The following CADM2 variants were observed in gnomAD, a reference collection of about 807,000 sequenced individuals.
The protein encoded by CADM2 is cell adhesion molecule 2, also known as immunoglobulin superfamily member 4D.
CADM2 carries 12 observed loss-of-function variants against 49.8 expected under a neutral mutation model. The ratio of observed to expected loss-of-function variants is 0.24; its 90% CI spans 0.15 to 0.39. The LOEUF (loss-of-function observed/expected upper bound fraction) is 0.39. Among genes scored for constraint, CADM2 ranks in the 10% least tolerant of loss-of-function variants. The pLI is 1.00. For synonymous variants in CADM2, 214 were observed against 175.4 expected, an observed-to-expected ratio of 1.22 and a Z score of -1.74; for missense variants, 378 against 492.3, an observed-to-expected ratio of 0.77 and a Z score of 2.20.
At chr3:85,590,121 A>C (rs77341899) in intron 1 of CADM2, among the ~76,000 whole-genome samples, 1 of 152,140 alleles carries the variant, frequency 6.6e-6, no homozygotes, top group East Asian at 1.9e-4. Context: ...GTTCACATGT[A>C]GAGAAGTTTT....
intron 1 of CADM2, among the ~76,000 whole-genome samples, chr3:85,204,314 T>A (rs2107752305): frequency 1.3e-5 from 2 of 152,326 alleles, no homozygotes; most frequent in South Asian, 4.1e-4. Context: ...TTTGTAGGAA[T>A]AAAATTCCTA....
chr3:85,987,874 A>G, intron 8 of CADM2, among the ~76,000 whole-genome samples: 1 of 152,058 alleles, frequency 6.6e-6, no homozygotes, highest in East Asian at 1.9e-4. Context: ...AAAATCATTA[A>G]TAAACTGGCT....
chr3:86,063,408 A>G (rs1177850332), intron 8 of CADM2, among the ~76,000 whole-genome samples: 1 of 152,180 alleles, frequency 6.6e-6, no homozygotes, highest in African/African-American at 2.4e-5. Context: ...CTGGCATTAC[A>G]AGTCCCCTCT....
chr3:85,408,010 C>CAAAAAAAAAAAAAAAAACAAA (rs2035474606), intron 1 of CADM2, among the ~76,000 whole-genome samples: 1 of 56,184 alleles, frequency 1.8e-5, no homozygotes, highest in Non-Finnish European at 3.2e-5. Flanking sequence ...AAAACAAAAC[C>CAAAAAAAAAAAAAAAAACAAA]AAAAAAAAAA....
rs2043996127 is a variant in CADM2 at position 85,297,538 on chromosome 3, A to G, written c.61+337870A>G. ...GGATTCAGGAAGAACTGGACAGGGT[A>G]CTGGGGTCTCAGCCAAGCAGCTGAG... is the stretch of plus-strand genomic sequence containing the variant. On this transcript the variant is annotated intron_variant, in intron 1 of 9. Transcript: ENST00000383699. Among the ~76,000 whole-genome samples the G allele has an allele frequency of 2.0e-5, 3 of 152,024 alleles. No homozygotes were observed. In the South Asian group the frequency reaches 6.2e-4, roughly 32 times the overall value.
At chr3:85,947,259 A>G (rs1559759805) in intron 7 of CADM2, among the ~76,000 whole-genome samples, 1 of 151,778 alleles carries the variant, frequency 6.6e-6, no homozygotes, top group African/African-American at 2.4e-5. Flanking sequence ...ATTAAATGCT[A>G]TGTATAAAAT....
intron 1 of CADM2, among the ~76,000 whole-genome samples, chr3:85,407,470 T>C (rs1411151888): frequency 6.6e-6 from 1 of 152,114 alleles, no homozygotes; most frequent in Non-Finnish European, 1.5e-5. Flanking sequence ...AATATCCCCC[T>C]AACCTCTCAC....
At chr3:84,989,098 A>G (rs2032748921) in intron 1 of CADM2, among the ~76,000 whole-genome samples, 2 of 152,120 alleles carry the variant, frequency 1.3e-5, no homozygotes, top group Admixed American at 6.6e-5. Flanking sequence ...GAGACCAATT[A>G]CCTGTTTTGC....
At chr3:86,043,379 A>G (rs1459643849) in intron 8 of CADM2, among the ~76,000 whole-genome samples, 2 of 152,216 alleles carry the variant, frequency 1.3e-5, no homozygotes, top group Non-Finnish European at 2.9e-5. Flanking sequence ...AACTTCAGAA[A>G]AGTCTCAGGA....
At chr3:85,466,114 C>T (rs1478717810) in intron 1 of CADM2, among the ~76,000 whole-genome samples, 1 of 152,052 alleles carries the variant, frequency 6.6e-6, no homozygotes, top group Non-Finnish European at 1.5e-5. Flanking sequence ...TTGGAGAAAG[C>T]CTTATTTTCA....
At chr3:85,059,211 C>A (rs985389024) in intron 1 of CADM2, among the ~76,000 whole-genome samples, 10 of 151,276 alleles carry the variant, frequency 6.6e-5, no homozygotes, top group African/African-American at 2.4e-4. Context: ...TGCACTCCAG[C>A]CTGAGTGACA....
At chr3:85,043,777 T>A (rs1284808384) in intron 1 of CADM2, among the ~76,000 whole-genome samples, 1 of 152,072 alleles carries the variant, frequency 6.6e-6, no homozygotes, top group Non-Finnish European at 1.5e-5. Flanking sequence ...AATTTACAAT[T>A]ATCCTTGTCT....
At chr3:85,165,429 A>G (rs2040445977) in intron 1 of CADM2, among the ~76,000 whole-genome samples, 1 of 151,956 alleles carries the variant, frequency 6.6e-6, no homozygotes, top group African/African-American at 2.4e-5. Flanking sequence ...TATTTTAAAA[A>G]TTGCTCCTAA....
intron 5 of CADM2, among the ~76,000 whole-genome samples, chr3:85,894,363 G>A (rs1444786569): frequency 6.6e-6 from 1 of 152,098 alleles, no homozygotes; most frequent in African/African-American, 2.4e-5. Flanking sequence ...GGGGAAGTGG[G>A]GAGGGATAGC....
At chr3:85,587,369 G>A (rs2062973624) in intron 1 of CADM2, among the ~76,000 whole-genome samples, 1 of 152,182 alleles carries the variant, frequency 6.6e-6, no homozygotes, top group Admixed American at 6.6e-5. Context: ...CACAAGTCAT[G>A]TGTTTTTCTA....
chr3:85,108,378 T>A (rs6771709), intron 1 of CADM2, among the ~76,000 whole-genome samples: 3,651 of 152,264 alleles, frequency 0.024, 135 homozygotes, highest in African/African-American at 0.082. Flanking sequence ...AGGAATGAAT[T>A]TCTGGTACAT....
At chr3:85,833,206 G>C (rs1357652616) in intron 3 of CADM2, among the ~76,000 whole-genome samples, 1 of 151,846 alleles carries the variant, frequency 6.6e-6, no homozygotes, top group Non-Finnish European at 1.5e-5. Flanking sequence ...TGTGCTGCTG[G>C]ATTTGGTTTG....
At position 85,903,787 on chromosome 3, in the gene CADM2, G is replaced by A. The variant is rs1239092582; in HGVS notation, c.530-8586G>A. Among the ~76,000 whole-genome samples, 3 of 152,084 alleles carry A rather than the reference G, an allele frequency of 2.0e-5. No individual in the cohort carries two copies. The East Asian group carries it at 5.8e-4, about 29-fold the overall frequency. Reference sequence around the variant, plus strand: ...TCTGCTTACGTTAGTATCACACCCAGTGATTCCCCTTCACTATTTGTCAGC... The same window carrying A: ...TCTGCTTACGTTAGTATCACACCCAATGATTCCCCTTCACTATTTGTCAGC... On this transcript the variant is annotated intron_variant, in intron 5 of 9. Coordinates refer to ENST00000383699, the MANE Select transcript of CADM2 (RefSeq NM_001167675.2).
chr3:85,952,635 A>C lies in CADM2; in HGVS notation c.792-8834A>C, dbSNP rs185795600. On this transcript the variant is annotated intron_variant, in intron 7 of 9. Coordinates refer to ENST00000383699, the MANE Select transcript of CADM2 (RefSeq NM_001167675.2). ...TTGTTGTTTTTCTTTTTGGCACTAC[A>C]GTTGCACCTGTTGTACAGACTAGAG... is the stretch of plus-strand genomic sequence containing the variant. 5.0e-3 allele frequency among the ~76,000 whole-genome samples: 749 copies of C among 151,006 alleles called. 6 individuals are homozygous for C. Among genetic ancestry groups the C allele is most frequent in the African/African-American group, 0.017 (691 of 41,430 alleles).
Sources: gnomAD v4.1 joint callset for allele counts (sites outside exome capture counted in the v4.1 genomes callset) on GRCh38, gnomAD v4.1.1 for gene constraint, MANE v1.5 for transcripts, NCBI Gene and HGNC (gene_info 2026-07-23, HGNC 2026-07-21) for gene names.